Variants in ATR observed in about 807,000 individuals in gnomAD.
ATR encodes serine/threonine-protein kinase ATR.
A neutral mutation model predicts 305.3 loss-of-function variants in ATR; 142 were observed. That is an observed-to-expected ratio of 0.47 (90% CI 0.41 to 0.53). The LOEUF (loss-of-function observed/expected upper bound fraction) is 0.53. Ranked by LOEUF, ATR falls within the 20% of genes least tolerant of loss-of-function variation. ATR has a pLI of 0.00. For synonymous variants in ATR, 1,050 were observed against 1,068.1 expected (o/e 0.98, Z 0.33); for missense variants, 2,135 against 3,133.1 (o/e 0.68, Z 7.60).
At chr3:142,511,444 C>A (rs1439024716) in intron 27 of ATR, among the ~76,000 whole-genome samples, 2 of 151,430 alleles carry the variant, frequency 1.3e-5, no homozygotes, top group Non-Finnish European at 3.0e-5. Context: ...TCTCTTGAGG[C>A]CAGGAGTTGG....
chr3:142,558,798 C>A (rs1197600342), intron 7 of ATR, 22 bp from the exon 8 acceptor site: 5 of 1,584,856 alleles, frequency 3.2e-6, no homozygotes, highest in South Asian at 2.2e-5. Flanking sequence ...CAAAATAAGT[C>A]ATTAATTATA....
intron 25 of ATR, 141 bp downstream of exon 25, chr3:142,515,254 T>C: frequency 9.2e-7 from 1 of 1,092,160 alleles, no homozygotes; most frequent in South Asian, 1.6e-5. Context: ...TATTCTCTAT[T>C]AGTTAACATT....
rs543678930 is a variant in ATR, at chr3:142,526,062, C to A, written c.3946-1863G>T. On this transcript the variant is annotated intron_variant, in intron 21 of 46. Coordinates refer to ENST00000350721, the MANE Select transcript of ATR (RefSeq NM_001184.4). Reference sequence around the variant, plus strand: ...CTTTCAGAAGCATTTTAAAATTTTTCTTTTGTTGGTGTATGCATTTCTTGT... The same window carrying A: ...CTTTCAGAAGCATTTTAAAATTTTTATTTTGTTGGTGTATGCATTTCTTGT... Among the ~76,000 whole-genome samples, 3 of 152,080 alleles carry A rather than the reference C, an allele frequency of 2.0e-5. No individual in the cohort carries two copies. In the East Asian group the frequency reaches 5.8e-4, roughly 29 times the overall value.
At chr3:142,502,741 C>G (rs556822120) in intron 30 of ATR, among the ~76,000 whole-genome samples, 11 of 152,222 alleles carry the variant, frequency 7.2e-5, no homozygotes, top group African/African-American at 1.9e-4. Context: ...CCCAGAATAG[C>G]CATTTAGAGT....
rs745648971 is a variant in ATR at position 142,515,477 on chromosome 3, ACTC to A, written c.4418_4420del (p.Gly1473del). The A allele has an allele frequency of 6.2e-7, 1 of 1,612,572 alleles. No homozygotes were observed. The highest frequency in any genetic ancestry group is 1.1e-5 in the South Asian group (1 of 91,058). ...TTTACTTAAGTAAATTGGCTTCTTTACTCCAGACCAATCGGTTGACTTCTGAGA... is the reference window on the plus strand; with the variant it reads ...TTTACTTAAGTAAATTGGCTTCTTTACAGACCAATCGGTTGACTTCTGAGA... On this transcript the variant is annotated inframe_deletion, in exon 25 of 47. Coordinates refer to ENST00000350721, the MANE Select transcript of ATR (RefSeq NM_001184.4).
intron 29 of ATR, among the ~76,000 whole-genome samples, chr3:142,504,758 C>T (rs189256272): frequency 1.3e-5 from 2 of 152,334 alleles, no homozygotes; most frequent in Admixed American, 1.3e-4. Flanking sequence ...GCCGCCGCAT[C>T]CGGCCTGGAA....
At chr3:142,499,819 T>C in intron 30 of ATR, 101 bp from the exon 31 acceptor site, 1 of 947,928 alleles carries the variant, frequency 1.1e-6, no homozygotes, top group Admixed American at 2.2e-5. Flanking sequence ...ATTTATTGAA[T>C]TTGCATTATA....
intron 30 of ATR, among the ~76,000 whole-genome samples, chr3:142,501,425 T>C (rs2031957606): frequency 6.6e-6 from 1 of 152,226 alleles, no homozygotes; most frequent in Non-Finnish European, 1.5e-5. Flanking sequence ...ACTACTGTGA[T>C]ACCATCTGAC....
intron 35 of ATR, among the ~76,000 whole-genome samples, chr3:142,487,479 T>G (rs900728564): frequency 2.6e-5 from 4 of 152,210 alleles, no homozygotes; most frequent in African/African-American, 9.6e-5. Context: ...TCATTCAACA[T>G]TACATTTGTG....
At position 142,519,580 on chromosome 3, in the gene ATR, G is replaced by A. The variant is rs895282757; in HGVS notation, c.4382+89C>T. 44 of 1,047,810 alleles carry A rather than the reference G, an allele frequency of 4.2e-5. 2 individuals are homozygous for A. In the East Asian group the frequency reaches 6.4e-4, roughly 15 times the overall value. The allele number at this position is 1,047,810 out of a possible 1,614,324, so 64.9% of individuals were successfully genotyped here. ...CTCCCAAAGTGCTGGGATTACAGGCGTGAGCCACTGCACCCGGCCAAAAAA... is the reference window on the plus strand; with the variant it reads ...CTCCCAAAGTGCTGGGATTACAGGCATGAGCCACTGCACCCGGCCAAAAAA... On this transcript the variant is annotated intron_variant, in intron 24 of 46. Coordinates refer to ENST00000350721, the MANE Select transcript of ATR (RefSeq NM_001184.4).
At chr3:142,519,644 A>G (rs2033057650) in intron 24 of ATR, 25 bp downstream of exon 24, 1 of 1,565,272 alleles carries the variant, frequency 6.4e-7, no homozygotes, top group Admixed American at 1.7e-5. Context: ...AATTTTATGA[A>G]AATACATTAA....
At position 142,547,820 on chromosome 3, in the gene ATR, G is replaced by A. The variant is rs1239346724; in HGVS notation, c.3262C>T (p.Gln1088Ter). The A allele has an allele frequency of 3.1e-6, 5 of 1,613,884 alleles. No homozygotes were observed. The highest frequency in any genetic ancestry group is 4.2e-6 in the Non-Finnish European group (5 of 1,179,886). ...ATTGACAAACCATTAAAAACCTGTT[G>A]ATAGTGTTCTCCAATACGCAGCAAT... ...ELLLRIGEHY[Q>*]QVFNGLSILA... The change falls in exon 16 of 47, where the codon CAA (glutamine) becomes TAA (stop). Residue 1088 changes from glutamine to a stop codon, truncating the protein, a stop_gained. Transcript: ENST00000350721. LOFTEE classifies it high-confidence loss of function.
At chr3:142,563,161 A>G (rs757315270) in intron 3 of ATR, 52 bp from the exon 4 acceptor site, 14 of 1,513,338 alleles carry the variant, frequency 9.3e-6, no homozygotes, top group Non-Finnish European at 1.2e-5. Context: ...CCGAAGTGCT[A>G]ATTCATTTGC....
Position 142,508,102 on chromosome 3 carries a change from A to C in ATR, c.4860T>G (p.Thr1620=). The change falls in exon 28 of 47, where the codon ACT becomes ACG. Residue 1620 remains threonine (T), a synonymous_variant. Coordinates refer to ENST00000350721, the MANE Select transcript of ATR (RefSeq NM_001184.4). The part of the protein sequence containing the change: ...NRNKVDSMVS[T]VDYEDYQSVT... ...CACTCTGATAGTCTTCATAATCCAC[A>C]GTAGATACTAGATCATAAAAAAAGT... 6.2e-7 allele frequency: 1 copy of C among 1,610,898 alleles called. No homozygotes were observed. Among genetic ancestry groups the C allele is most frequent in the African/African-American group, 1.3e-5 (1 of 74,738 alleles).
chr3:142,502,215 G>A (rs559883171), intron 30 of ATR, among the ~76,000 whole-genome samples: 2 of 152,112 alleles, frequency 1.3e-5, no homozygotes, highest in African/African-American at 4.8e-5. Flanking sequence ...CCATTACTGG[G>A]TATATTCCCA....
rs1359296382 is a variant in ATR, at chr3:142,554,034, C to A, written c.2342-19G>T. ...ATGAAAGCTGAAGGACAAGAGTATA[C>A]AATACCTAATTTAACATATTAAATG... On this transcript the variant is annotated intron_variant, in intron 10 of 46. Transcript: ENST00000350721. The A allele has an allele frequency of 1.1e-5, 17 of 1,563,484 alleles. No individual in the cohort carries two copies. The highest frequency in any genetic ancestry group is 1.5e-5 in the Non-Finnish European group (17 of 1,143,976).
At chr3:142,501,270 A>C (rs1577580853) in intron 30 of ATR, among the ~76,000 whole-genome samples, 1 of 125,850 alleles carries the variant, frequency 7.9e-6, no homozygotes, top group Admixed American at 7.7e-5. Flanking sequence ...GAAATTTGAC[A>C]CCCCAATTTG....
Position 142,469,582 on chromosome 3 carries a change from A to G in ATR, c.6320-13T>C, listed in dbSNP as rs762412403. 9 of 1,591,980 alleles carry G rather than the reference A, an allele frequency of 5.7e-6. No individual in the cohort carries two copies. The highest frequency in any genetic ancestry group is 7.8e-6 in the Non-Finnish European group (9 of 1,160,202). On this transcript the variant is annotated splice_polypyrimidine_tract_variant and intron_variant, in intron 37 of 46. Transcript: ENST00000350721. ...TCGGAGCGGCCAGCTGGGGGAAGAAATAAGTTTAAAAAACAATAAAGGAAA... is the reference window on the plus strand; with the variant it reads ...TCGGAGCGGCCAGCTGGGGGAAGAAGTAAGTTTAAAAAACAATAAAGGAAA...
intron 1 of ATR, among the ~76,000 whole-genome samples, chr3:142,575,077 T>C (rs2035393970): frequency 6.6e-6 from 1 of 152,170 alleles, no homozygotes; most frequent in Non-Finnish European, 1.5e-5. Flanking sequence ...ATTCCAATGG[T>C]TTCCCATCAC....
Sources: gnomAD v4.1 joint callset for allele counts (sites outside exome capture counted in the v4.1 genomes callset) on GRCh38, gnomAD v4.1.1 for gene constraint, MANE v1.5 for transcripts, NCBI Gene and HGNC (gene_info 2026-07-23, HGNC 2026-07-21) for gene names.